Variants in MARCHF10 observed in about 807,000 individuals in gnomAD.
The protein encoded by MARCHF10 is probable E3 ubiquitin-protein ligase MARCHF10.
Under a neutral mutation model 76.2 loss-of-function variants are expected in MARCHF10, and 64 were observed. The observed-to-expected ratio is 0.84, with a 90% CI of 0.69 to 1.03. The LOEUF is 1.03. Ranked by LOEUF, MARCHF10 falls within the 50% of genes least tolerant of loss-of-function variation. MARCHF10 has a pLI of 0.00. For synonymous variants in MARCHF10, 340 were observed against 357.5 expected, an observed-to-expected ratio of 0.95 and a Z score of 0.55; for missense variants, 875 against 958.0, an observed-to-expected ratio of 0.91 and a Z score of 1.14.
intron 3 of MARCHF10, among the ~76,000 whole-genome samples, chr17:62,779,748 G>A (rs2092622369): frequency 6.6e-6 from 1 of 152,204 alleles, no homozygotes; most frequent in African/African-American, 2.4e-5. Flanking sequence ...GAGCTGTGCT[G>A]TGCCACAGAA....
intron 3 of MARCHF10, among the ~76,000 whole-genome samples, chr17:62,778,560 G>T (rs1366834745): frequency 7.9e-5 from 12 of 151,536 alleles, no homozygotes; most frequent in African/African-American, 2.9e-4. Flanking sequence ...GTGAAACTCT[G>T]TCTTTACTAA....
intron 4 of MARCHF10, chr17:62,746,731 C>T (rs1003002476): frequency 2.3e-5 from 15 of 665,722 alleles, no homozygotes; most frequent in Middle Eastern, 4.1e-4. Flanking sequence ...GGACCTGGCC[C>T]CAAGGTCCTG....
Position 62,751,764 on chromosome 17 carries a change from T to C in MARCHF10, c.383-7236A>G, listed in dbSNP as rs113728074. 8.6e-3 allele frequency among the ~76,000 whole-genome samples: 1,308 copies of C among 152,304 alleles called. 13 individuals carry two copies. The highest frequency in any genetic ancestry group is 0.03 in the African/African-American group (1,264 of 41,580). The stretch of plus-strand genomic sequence containing the variant: ...GGCTGGGCGTGGTGGCTCACGCCTG[T>C]AATCCCAGCACTTTGGGAGACCGAA... On this transcript the variant is annotated intron_variant, in intron 4 of 10. Transcript: ENST00000311269.
At chr17:62,769,935 T>A (rs981949874) in intron 3 of MARCHF10, among the ~76,000 whole-genome samples, 1 of 152,064 alleles carries the variant, frequency 6.6e-6, no homozygotes, top group African/African-American at 2.4e-5. Flanking sequence ...ATACAGGGGG[T>A]ACATATGCAG....
chr17:62,719,903 C>T (rs945820467), intron 8 of MARCHF10, among the ~76,000 whole-genome samples: 57 of 152,070 alleles, frequency 3.7e-4, no homozygotes, highest in African/African-American at 1.3e-3. Flanking sequence ...CCATTTTGGG[C>T]AGTTTCTATT....
intron 1 of MARCHF10, among the ~76,000 whole-genome samples, chr17:62,801,988 C>A (rs1036981178): frequency 6.6e-6 from 1 of 152,176 alleles, no homozygotes; most frequent in Non-Finnish European, 1.5e-5. Flanking sequence ...CTTCAGTGAT[C>A]CTGTCCTGGT....
intron 5 of MARCHF10, among the ~76,000 whole-genome samples, chr17:62,743,707 G>A (rs547337927): frequency 6.6e-6 from 1 of 152,288 alleles, no homozygotes; most frequent in South Asian, 2.1e-4. Context: ...ATAATGGGAT[G>A]CTCAGTGGTT....
intron 6 of MARCHF10, among the ~76,000 whole-genome samples, chr17:62,726,906 A>G (rs1005212230): frequency 6.6e-6 from 1 of 152,228 alleles, no homozygotes; most frequent in Non-Finnish European, 1.5e-5. Flanking sequence ...CTGGGATTAC[A>G]GGTGTGAGCC....
chr17:62,807,567 A>G (rs115186302), intron 1 of MARCHF10, among the ~76,000 whole-genome samples: 3,290 of 152,288 alleles, frequency 0.022, 118 homozygotes, highest in African/African-American at 0.074. Flanking sequence ...AACAATATCC[A>G]GCCAGAGAAA....
intron 3 of MARCHF10, among the ~76,000 whole-genome samples, chr17:62,761,066 T>C (rs1421476111): frequency 1.3e-5 from 2 of 152,232 alleles, no homozygotes; most frequent in African/African-American, 2.4e-5. Context: ...GAAAATACTC[T>C]GAGTAGCTTT....
At position 62,801,834 on chromosome 17, in the gene MARCHF10, C is replaced by T. The variant is rs998075632; in HGVS notation, c.-17-82G>A. ...ATTTGGATTTATTTTCATCTAATTG[C>T]TTTTATTTGTGTATTCATCTAATTT... On this transcript the variant is annotated intron_variant, in intron 1 of 10. Coordinates refer to ENST00000311269, the MANE Select transcript of MARCHF10 (RefSeq NM_152598.4). 1.1e-5 allele frequency: 11 copies of T among 1,030,480 alleles called. No homozygotes were observed. In the African/African-American group the frequency reaches 1.3e-4, roughly 12 times the overall value. The allele number at this position is 1,030,480 out of a possible 1,614,324, so 63.8% of individuals were successfully genotyped here. A position where few individuals can be genotyped will look rare whatever the true frequency, so the allele number is the denominator to read the frequency against.
chr17:62,785,141 G>A (rs1297326260), intron 3 of MARCHF10, among the ~76,000 whole-genome samples: 1 of 152,172 alleles, frequency 6.6e-6, no homozygotes, highest in Non-Finnish European at 1.5e-5. Flanking sequence ...CAAGGCTACG[G>A]TAACCAAAAC....
At chr17:62,783,696 C>T (rs1286895920) in intron 3 of MARCHF10, among the ~76,000 whole-genome samples, 1 of 152,052 alleles carries the variant, frequency 6.6e-6, no homozygotes, top group Non-Finnish European at 1.5e-5. Context: ...GGGGATATCA[C>T]CACCGATCCC....
chr17:62,729,131 CG>C (rs1039670085), intron 6 of MARCHF10, among the ~76,000 whole-genome samples: 4 of 151,444 alleles, frequency 2.6e-5, no homozygotes, highest in Non-Finnish European at 5.9e-5. Flanking sequence ...TTTGTAGAGA[CG>C]GGGTTTTGCC....
chr17:62,736,049 A>G lies in MARCHF10; in HGVS notation c.1819T>C (p.Ser607Pro), dbSNP rs2091247168. 6.2e-7 allele frequency: 1 copy of G among 1,614,208 alleles called. No individual in the cohort carries two copies. The change falls in exon 6 of 11, where the codon TCT becomes CCT. Residue 607 changes from serine (S) to proline (P), a missense_variant. Transcript: ENST00000311269. ...TTATCATTTTGATTTGGGAAATGAGACACTGCAAAGAAAGTAAATGGTGTA... is the reference window on the plus strand; with the variant it reads ...TTATCATTTTGATTTGGGAAATGAGGCACTGCAAAGAAAGTAAATGGTGTA... ...ENTPFTFFAV[S>P]HFPNQNDNGS...
In MARCHF10 at chr17:62,738,754, C is replaced by G. The variant is rs2091393928; in HGVS notation, c.536-1422G>C. 6.6e-6 allele frequency among the ~76,000 whole-genome samples: 1 copy of G among 152,218 alleles called. No individual in the cohort carries two copies. Among genetic ancestry groups the G allele is most frequent in the East Asian group, 1.9e-4 (1 of 5,198 alleles). ...TTCTTTTATTGTTAACTGCATGGGACACTCAGCAACGCAGTATGAATCTTG... is the reference window on the plus strand; with the variant it reads ...TTCTTTTATTGTTAACTGCATGGGAGACTCAGCAACGCAGTATGAATCTTG... On this transcript the variant is annotated intron_variant, in intron 5 of 10. Coordinates refer to ENST00000311269, the MANE Select transcript of MARCHF10 (RefSeq NM_152598.4). The surrounding 1 kb of genome is among the most constrained non-coding windows in gnomAD (Gnocchi z 4.0).
chr17:62,762,786 G>A (rs941036954), intron 3 of MARCHF10, among the ~76,000 whole-genome samples: 1 of 152,164 alleles, frequency 6.6e-6, no homozygotes, highest in Non-Finnish European at 1.5e-5. Context: ...GCTCAGGCAA[G>A]CCGCCCGCCT....
At chr17:62,722,369 G>T in intron 8 of MARCHF10, 119 bp downstream of exon 8, 70 of 538,756 alleles carry the variant, frequency 1.3e-4, no homozygotes, top group East Asian at 1.7e-4. Flanking sequence ...AATGGATATT[G>T]TCAGACTCCT....
chr17:62,793,357 A>G (rs144484040), intron 2 of MARCHF10, among the ~76,000 whole-genome samples: 1,178 of 114,902 alleles, frequency 0.01, 22 homozygotes, highest in African/African-American at 0.038. Flanking sequence ...CACCACCATC[A>G]CACCTCCATC....
Sources: allele counts gnomAD v4.1 joint callset (sites outside exome capture counted in the v4.1 genomes callset), GRCh38; gene constraint gnomAD v4.1.1; non-coding constraint Gnocchi (gnomAD v3.1); transcripts MANE v1.5; gene names NCBI Gene and HGNC (gene_info 2026-07-23, HGNC 2026-07-21).